Variants in COL17A1 observed in about 807,000 individuals in gnomAD.
The protein encoded by COL17A1 is collagen type XVII alpha 1 chain.
A neutral mutation model predicts 218.4 loss-of-function variants in COL17A1; 181 were observed. The observed-to-expected ratio is 0.83, with a 90% CI of 0.73 to 0.94. The LOEUF is 0.94. Among genes scored for constraint, COL17A1 ranks in the 40% least tolerant of loss-of-function variants. The pLI, the probability that COL17A1 is intolerant of heterozygous loss-of-function variation, is 0.00. For synonymous variants in COL17A1, 721 were observed against 731.0 expected (o/e 0.99, Z 0.22); for missense variants, 1,924 against 1,945.9 (o/e 0.99, Z 0.21).
chr10:104,063,796 C>G lies in COL17A1; in HGVS notation c.789G>C (p.Met263Ile), dbSNP rs755532646. Residue 263 changes from methionine (M) to isoleucine (I), a missense_variant, in exon 11 of 56, where the codon ATG (methionine) becomes ATC (isoleucine). Met to Ile is a conservative substitution (Grantham distance 10, BLOSUM62 1). Transcript: ENST00000648076. ...GGTGCAAAGTGGGTGAGCAGGACGC[C>G]ATGTTGTTTGGAACTCCGAAGACTG... ...AGSVFGVPNN[M>I]ASCSPTLHPG... 4.3e-6 allele frequency: 7 copies of G among 1,614,144 alleles called. No individual in the cohort carries two copies. Among genetic ancestry groups the G allele is most frequent in the Non-Finnish European group, 5.9e-6 (7 of 1,180,008 alleles).
At chr10:104,083,320 G>A (rs1399378744) in intron 1 of COL17A1, among the ~76,000 whole-genome samples, 2 of 152,108 alleles carry the variant, frequency 1.3e-5, no homozygotes, top group East Asian at 1.9e-4. Context: ...CAGTGTGTTC[G>A]TCTTCCAAAA....
In COL17A1 at chr10:104,077,669, T is replaced by C. The variant is rs1317614889; in HGVS notation, c.98-143A>G. Reference sequence around the variant, plus strand: ...TTCCTTTCCCACCTACATTATAAGATGCAAGCTGCCATGCTCCAGTTTCGT... The same window carrying C: ...TTCCTTTCCCACCTACATTATAAGACGCAAGCTGCCATGCTCCAGTTTCGT... On this transcript the variant is annotated intron_variant, in intron 3 of 55. Transcript: ENST00000648076. 5 of 716,272 alleles carry C rather than the reference T, an allele frequency of 7.0e-6. No individual in the cohort carries two copies. In the Admixed American group the frequency reaches 1.0e-4, roughly 15 times the overall value. 44.4% of individuals were successfully genotyped at this position (716,272 alleles called of 1,614,324 possible). A position where few individuals can be genotyped will look rare whatever the true frequency, so the allele number is the denominator to read the frequency against.
Position 104,070,414 on chromosome 10 carries a change from T to C in COL17A1, c.607+12A>G. On this transcript the variant is annotated intron_variant, in intron 9 of 55. Coordinates refer to ENST00000648076, the MANE Select transcript of COL17A1 (RefSeq NM_000494.4). ...TCTCACACTCCTCGGCAGCCTGGGC[T>C]GTCAGACTTACCCGACTGGGAGCTC... The C allele has an allele frequency of 6.2e-7, 1 of 1,613,146 alleles. No homozygotes were observed. The highest frequency in any genetic ancestry group is 8.5e-7 in the Non-Finnish European group (1 of 1,180,020).
chr10:104,070,158 AC>A (rs1394224883), intron 9 of COL17A1, among the ~76,000 whole-genome samples: 4 of 151,872 alleles, frequency 2.6e-5, no homozygotes, highest in African/African-American at 4.8e-5. Context: ...TAAAACCTCT[AC>A]CCCCTAAACC....
At position 104,055,828 on chromosome 10, in the gene COL17A1, C is replaced by G. The variant is rs781114177; in HGVS notation, c.1641G>C (p.Glu547Asp). Residue 547 changes from glutamate (E) to aspartate (D), a missense_variant, in exon 18 of 56, where the codon GAG (glutamate) becomes GAC (aspartate). Physicochemically the swap from Glu to Asp is conservative, Grantham distance 45 (BLOSUM62 2). Transcript: ENST00000648076. ...GCTTCTTCCTCACGAACATCCAGAG[C>G]TCCTCCTGGCTGTCACTGTGCAGCC... ...KIGLHSDSQE[E>D]LWMFVRKKLM... 32 of 1,614,114 alleles carry G rather than the reference C, an allele frequency of 2.0e-5. 1 individual carries two copies. The highest frequency in any genetic ancestry group is 2.6e-5 in the Non-Finnish European group (31 of 1,180,052).
In COL17A1 at chr10:104,036,599, A is replaced by C; in HGVS notation, c.3311T>G (p.Leu1104Trp). The C allele has an allele frequency of 2.5e-6, 4 of 1,613,956 alleles. No homozygotes were observed. Among genetic ancestry groups the C allele is most frequent in the Non-Finnish European group, 3.4e-6 (4 of 1,179,920 alleles). ...DDVRQYLRQY[L>W]MGPRGPPGPP... is the part of the protein sequence containing the mutation. ...CCCTGGCGGACCCCGAGGGCCCATCAAGTACTGACGTAGGTACTGACGCAC... is the reference window on the plus strand; with the variant it reads ...CCCTGGCGGACCCCGAGGGCCCATCCAGTACTGACGTAGGTACTGACGCAC... Residue 1104 changes from leucine to tryptophan, a missense_variant, in exon 48 of 56, where the codon TTG becomes TGG. Leu to Trp is a moderately conservative substitution (Grantham distance 61). Coordinates refer to ENST00000648076, the MANE Select transcript of COL17A1 (RefSeq NM_000494.4).
chr10:104,053,245 C>G lies in COL17A1; in HGVS notation c.1835-110G>C, dbSNP rs1003400407. ...TGCCTGGAGCCCTTCCCTGGCCTCC[C>G]TGCTTGCTTCTCTCCTGGACCCCAT... On this transcript the variant is annotated intron_variant, in intron 22 of 55. Transcript: ENST00000648076. 14 of 1,203,106 alleles carry G rather than the reference C, an allele frequency of 1.2e-5. No individual in the cohort carries two copies. The African/African-American group carries it at 1.6e-4, about 14-fold the overall frequency. The allele number at this position is 1,203,106 out of a possible 1,614,324, so 74.5% of individuals were successfully genotyped here.
intron 33 of COL17A1, among the ~76,000 whole-genome samples, chr10:104,045,404 T>A (rs805717): frequency 0.72 from 109,950 of 152,122 alleles, 41,446 homozygotes; most frequent in East Asian, 0.84. Flanking sequence ...CAAGCCTACA[T>A]ACCAGGGGGA....
Position 104,038,231 on chromosome 10 carries a change from T to TACACACACACACAC in COL17A1, c.3070+161_3070+174dup, listed in dbSNP as rs59808906. 3.2e-4 allele frequency among the ~76,000 whole-genome samples: 46 copies of TACACACACACACAC among 142,096 alleles called. 1 individual carries two copies. The highest frequency in any genetic ancestry group is 1.1e-3 in the African/African-American group (41 of 38,078). 93.2% of individuals were successfully genotyped at this position (142,096 alleles called of 152,430 possible). A position where few individuals can be genotyped will look rare whatever the true frequency, so the allele number is the denominator to read the frequency against. ...CTGGGCCTGGACACATAGACACACA[T>TACACACACACACAC]ACACACACACACACACACACACACA... On this transcript the variant is annotated intron_variant, in intron 45 of 55. Coordinates refer to ENST00000648076, the MANE Select transcript of COL17A1 (RefSeq NM_000494.4).
At position 104,035,592 on chromosome 10, in the gene COL17A1, A is replaced by AG. The variant is rs745707059; in HGVS notation, c.3419-30dup. 7.0e-6 allele frequency: 11 copies of AG among 1,573,342 alleles called. No homozygotes were observed. In the African/African-American group the frequency reaches 1.1e-4, roughly 15 times the overall value. ...GGGAGGTGATGGATTCAGATCAGGC[A>AG]GGGGGAGGCAGATGGAAACACCTGT... On this transcript the variant is annotated intron_variant, in intron 48 of 55. Transcript: ENST00000648076.
Position 104,036,648 on chromosome 10 carries a change from T to A in COL17A1, c.3278-16A>T. The stretch of plus-strand genomic sequence containing the variant: ...ACGTCATCCCCTGGAGAGGAGAGGA[T>A]GCACTAGCAGGACCCACCCAGGCCA... On this transcript the variant is annotated splice_polypyrimidine_tract_variant and intron_variant, in intron 47 of 55. Coordinates refer to ENST00000648076, the MANE Select transcript of COL17A1 (RefSeq NM_000494.4). 5 of 1,612,944 alleles carry A rather than the reference T, an allele frequency of 3.1e-6. No homozygotes were observed. The highest frequency in any genetic ancestry group is 4.2e-6 in the Non-Finnish European group (5 of 1,179,752).
At chr10:104,077,349 G>C in intron 4 of COL17A1, 73 bp downstream of exon 4, 1 of 1,181,830 alleles carries the variant, frequency 8.5e-7, no homozygotes, top group Non-Finnish European at 1.2e-6. Flanking sequence ...CCTGTGTCCT[G>C]TGTAGGACTT....
At position 104,050,854 on chromosome 10, in the gene COL17A1, C is replaced by T. The variant is rs199841218; in HGVS notation, c.2086G>A (p.Val696Ile). Reference sequence around the variant, plus strand: ...AGGCCTCCCTCCAGCTTACCTTTGACACCAGGAAGTCCTACTTCACCTCGG... The same window carrying T: ...AGGCCTCCCTCCAGCTTACCTTTGATACCAGGAAGTCCTACTTCACCTCGG... ...GLRGEVGLPG[V>I]KGDKGPMGPP... Residue 696 changes from valine to isoleucine, a missense_variant, in exon 26 of 56, where the codon GTC becomes ATC. Coordinates refer to ENST00000648076, the MANE Select transcript of COL17A1 (RefSeq NM_000494.4). The T allele has an allele frequency of 7.3e-5, 118 of 1,614,056 alleles. No individual in the cohort carries two copies. Among genetic ancestry groups the T allele is most frequent in the Non-Finnish European group, 9.3e-5 (110 of 1,180,036 alleles).
At position 104,078,256 on chromosome 10, in the gene COL17A1, G is replaced by A. The variant is rs1342860630; in HGVS notation, c.97+286C>T. 3.9e-5 allele frequency among the ~76,000 whole-genome samples: 6 copies of A among 152,164 alleles called. No individual in the cohort carries two copies. The East Asian group carries it at 1.2e-3, about 29-fold the overall frequency. On this transcript the variant is annotated intron_variant, in intron 3 of 55. Coordinates refer to ENST00000648076, the MANE Select transcript of COL17A1 (RefSeq NM_000494.4). ...ATTTGTGGTTTCCAGGGGCTGAGGAGAGAGGAGGGAGAATGAGGAATGACT... is the reference window on the plus strand; with the variant it reads ...ATTTGTGGTTTCCAGGGGCTGAGGAAAGAGGAGGGAGAATGAGGAATGACT...
chr10:104,073,205 C>T lies in COL17A1; in HGVS notation c.415+5G>A. On this transcript the variant is annotated splice_donor_5th_base_variant and intron_variant, in intron 7 of 55. Coordinates refer to ENST00000648076, the MANE Select transcript of COL17A1 (RefSeq NM_000494.4). ...AATTGGACTGAACCCAGTGACAGCA[C>T]TCACCTCGTGTTTGACTCCGTCCTC... The T allele has an allele frequency of 6.2e-7, 1 of 1,613,764 alleles. No homozygotes were observed. Among genetic ancestry groups the T allele is most frequent in the African/African-American group, 1.3e-5 (1 of 75,014 alleles).
intron 29 of COL17A1, 73 bp from the exon 30 acceptor site, chr10:104,048,177 G>A: frequency 6.5e-7 from 1 of 1,548,004 alleles, no homozygotes; most frequent in South Asian, 1.1e-5. Flanking sequence ...TACTGTCCCA[G>A]TGGCCTTGAA....
intron 39 of COL17A1, 104 bp downstream of exon 39, chr10:104,040,961 A>C: frequency 6.5e-6 from 8 of 1,231,082 alleles, no homozygotes; most frequent in Non-Finnish European, 9.6e-6. Flanking sequence ...AGTCAGGAGC[A>C]GGAAGCCTGG....
In COL17A1 at chr10:104,077,465, C is replaced by T; in HGVS notation, c.159G>A (p.Glu53=). 2 of 1,613,488 alleles carry T rather than the reference C, an allele frequency of 1.2e-6. No homozygotes were observed. Among genetic ancestry groups the T allele is most frequent in the Non-Finnish European group, 1.7e-6 (2 of 1,179,856 alleles). The change falls in exon 4 of 56, where the codon GAG becomes GAA. Residue 53 remains glutamate (E), a synonymous_variant. Transcript: ENST00000648076. ...TASLGGGSRL[E]KQSLTHGSSG... Reference sequence around the variant, plus strand: ...TGCTGCCATGAGTCAGGCTTTGTTTCTCCAGCCGGCTCCCTCCACCAAGAG... The same window carrying T: ...TGCTGCCATGAGTCAGGCTTTGTTTTTCCAGCCGGCTCCCTCCACCAAGAG...
In COL17A1 at chr10:104,033,250, C is replaced by T; in HGVS notation, c.4282G>A (p.Asp1428Asn). ...TGGATGCCCTTACTTTGGAAGAAGT[C>T]CATGAGGTCCGCAGTCACGTTGCTG... ...AYSNVTADLM[D>N]FFQTYGAIQG... Residue 1428 changes from aspartate (D) to asparagine (N), a missense_variant, in exon 53 of 56, where the codon GAC (aspartate) becomes AAC (asparagine). Physicochemically the swap from Asp to Asn is conservative, Grantham distance 23. Transcript: ENST00000648076. 6.3e-7 allele frequency: 1 copy of T among 1,586,748 alleles called. No homozygotes were observed. The highest frequency in any genetic ancestry group is 8.6e-7 in the Non-Finnish European group (1 of 1,166,474).
Sources: allele counts gnomAD v4.1 joint callset (sites outside exome capture counted in the v4.1 genomes callset), GRCh38; gene constraint gnomAD v4.1.1; transcripts MANE v1.5; gene names NCBI Gene and HGNC (gene_info 2026-07-23, HGNC 2026-07-21).